Variants in BNC2 observed in about 807,000 individuals in gnomAD.
The protein encoded by BNC2 is basonuclin zinc finger protein 2.
A neutral mutation model predicts 76.3 loss-of-function variants in BNC2; 20 were observed. That is an observed-to-expected ratio of 0.26 (90% CI 0.18 to 0.38). The LOEUF (loss-of-function observed/expected upper bound fraction) is 0.38, where lower values mean the gene tolerates loss of function less well. Among genes scored for constraint, BNC2 ranks in the 10% least tolerant of loss-of-function variants. The pLI is 1.00. For missense variants in BNC2, 1,382 were observed against 1,399.8 expected, an observed-to-expected ratio of 0.99 and a Z score of 0.20; for synonymous variants, 582 against 514.8, an observed-to-expected ratio of 1.13 and a Z score of -1.77.
intron 5 of BNC2, among the ~76,000 whole-genome samples, chr9:16,524,112 A>T (rs978434905): frequency 1.3e-5 from 2 of 150,914 alleles, no homozygotes; most frequent in Middle Eastern, 3.4e-3. Flanking sequence ...ACTTGGGGTG[A>T]GAACACCATG....
chr9:16,745,933 A>C (rs1433360173), intron 1 of BNC2, among the ~76,000 whole-genome samples: 1 of 152,194 alleles, frequency 6.6e-6, no homozygotes, highest in Non-Finnish European at 1.5e-5. Context: ...AAAAGAAAAA[A>C]ATATTGATAT....
chr9:16,723,504 G>C (rs1322308822), intron 3 of BNC2, among the ~76,000 whole-genome samples: 2 of 150,950 alleles, frequency 1.3e-5, no homozygotes, highest in African/African-American at 4.9e-5. Context: ...AAAAAATTGG[G>C]GGGGGGGACA....
intron 4 of BNC2, among the ~76,000 whole-genome samples, chr9:16,567,048 C>A (rs1563842761): frequency 6.6e-6 from 1 of 152,170 alleles, no homozygotes; most frequent in Non-Finnish European, 1.5e-5. Flanking sequence ...GAGGCCTAAA[C>A]TGGCAATTTT....
At chr9:16,621,762 T>G (rs533382039) in intron 3 of BNC2, among the ~76,000 whole-genome samples, 1 of 152,176 alleles carries the variant, frequency 6.6e-6, no homozygotes, top group South Asian at 2.1e-4. Flanking sequence ...AGTTGAGATG[T>G]GCTGAAAGTG....
At chr9:16,701,640 AC>A (rs1281536060) in intron 3 of BNC2, among the ~76,000 whole-genome samples, 1 of 152,176 alleles carries the variant, frequency 6.6e-6, no homozygotes, top group African/African-American at 2.4e-5. Flanking sequence ...AAATAGCAAT[AC>A]TAAATAAAGA....
At chr9:16,747,808 G>A (rs1825055190) in intron 1 of BNC2, among the ~76,000 whole-genome samples, 2 of 152,144 alleles carry the variant, frequency 1.3e-5, no homozygotes, top group African/African-American at 4.8e-5. Flanking sequence ...AAGTGCTTAG[G>A]GCTTCCTACT....
At chr9:16,531,231 A>G (rs1817964621) in intron 5 of BNC2, among the ~76,000 whole-genome samples, 1 of 152,126 alleles carries the variant, frequency 6.6e-6, no homozygotes, top group South Asian at 2.1e-4. Flanking sequence ...CTGAAAGGCC[A>G]CTCCAGGGCT....
chr9:16,556,182 T>C (rs1818825827), intron 4 of BNC2, among the ~76,000 whole-genome samples: 2 of 151,912 alleles, frequency 1.3e-5, no homozygotes, highest in Non-Finnish European at 2.9e-5. Context: ...CCCAGCTACT[T>C]GGGAGGCTGA....
intron 4 of BNC2, among the ~76,000 whole-genome samples, chr9:16,555,269 C>T (rs969476094): frequency 2.6e-5 from 4 of 152,022 alleles, no homozygotes; most frequent in African/African-American, 9.7e-5. Flanking sequence ...GTGATCCACC[C>T]GCCTCGGCCT....
At chr9:16,500,526 A>T (rs867660106) in intron 5 of BNC2, among the ~76,000 whole-genome samples, 2 of 152,218 alleles carry the variant, frequency 1.3e-5, no homozygotes, top group African/African-American at 4.8e-5. Context: ...CTTGAAGTAT[A>T]TATATAGCTC....
At chr9:16,654,928 G>C (rs1195822227) in intron 3 of BNC2, among the ~76,000 whole-genome samples, 1 of 152,070 alleles carries the variant, frequency 6.6e-6, no homozygotes, top group African/African-American at 2.4e-5. Flanking sequence ...AAATAAAAGT[G>C]AGTTAGAATA....
intron 1 of BNC2, among the ~76,000 whole-genome samples, chr9:16,776,900 C>T (rs201443380): frequency 2.0e-5 from 3 of 152,056 alleles, no homozygotes; most frequent in Admixed American, 1.3e-4. Flanking sequence ...CCAAGGTGGG[C>T]GGATCACCTG....
intron 5 of BNC2, among the ~76,000 whole-genome samples, chr9:16,528,955 A>C (rs1301418780): frequency 1.3e-5 from 2 of 152,190 alleles, no homozygotes; most frequent in African/African-American, 4.8e-5. Flanking sequence ...TTTGCAATTG[A>C]GGTGTGAGTA....
intron 1 of BNC2, among the ~76,000 whole-genome samples, chr9:16,771,454 T>C (rs1430214266): frequency 6.6e-6 from 1 of 152,260 alleles, no homozygotes; most frequent in Non-Finnish European, 1.5e-5. Context: ...TAAATACTGC[T>C]ATATGGCACC....
intron 3 of BNC2, among the ~76,000 whole-genome samples, chr9:16,640,035 T>A (rs914982855): frequency 1.3e-5 from 2 of 152,128 alleles, no homozygotes; most frequent in South Asian, 4.1e-4. Context: ...AACCCATTTC[T>A]ATTATAGCTC....
At chr9:16,555,463 C>G (rs1175277340) in intron 4 of BNC2, among the ~76,000 whole-genome samples, 1 of 152,182 alleles carries the variant, frequency 6.6e-6, no homozygotes, top group Non-Finnish European at 1.5e-5. Flanking sequence ...ATTATAAGGA[C>G]ACTAGTTGAT....
chr9:16,661,565 C>A (rs188533174), intron 3 of BNC2, among the ~76,000 whole-genome samples: 2 of 152,266 alleles, frequency 1.3e-5, no homozygotes, highest in Admixed American at 6.5e-5. Context: ...TTCCTCTCTG[C>A]ACTCAGGGAT....
At chr9:16,728,480 T>C (rs1361949536) in intron 2 of BNC2, among the ~76,000 whole-genome samples, 7 of 152,166 alleles carry the variant, frequency 4.6e-5, no homozygotes, top group Admixed American at 3.3e-4. Flanking sequence ...CTTTCTGATA[T>C]AACACATAAT....
chr9:16,657,721 TG>T (rs1821970447), intron 3 of BNC2, among the ~76,000 whole-genome samples: 1 of 148,138 alleles, frequency 6.8e-6, no homozygotes, highest in African/African-American at 2.7e-5. Flanking sequence ...TGGAATAATG[TG>T]CAGACTCTTA....
Sources: gnomAD v4.1 joint callset for allele counts (sites outside exome capture counted in the v4.1 genomes callset) on GRCh38, gnomAD v4.1.1 for gene constraint, MANE v1.5 for transcripts, NCBI Gene and HGNC (gene_info 2026-07-23, HGNC 2026-07-21) for gene names.